Variants in ANAPC10 observed in about 807,000 individuals in gnomAD.
The protein encoded by ANAPC10 is anaphase promoting complex subunit 10.
A neutral mutation model predicts 22.0 loss-of-function variants in ANAPC10; 12 were observed. The ratio of observed to expected loss-of-function variants is 0.55; its 90% CI spans 0.35 to 0.88. ANAPC10 has a LOEUF of 0.88. Ranked by LOEUF, ANAPC10 falls within the 40% of genes least tolerant of loss-of-function variation. The pLI is 0.01. For missense variants in ANAPC10, 188 were observed against 220.9 expected (o/e 0.85, Z 0.94); for synonymous variants, 65 against 69.5 (o/e 0.94, Z 0.32).
intron 4 of ANAPC10, among the ~76,000 whole-genome samples, chr4:145,004,971 G>T (rs1442747345): frequency 1.3e-5 from 2 of 152,194 alleles, no homozygotes; most frequent in Admixed American, 6.6e-5. Flanking sequence ...GTGGTTCTGG[G>T]CTTTTCCTGG....
Position 144,999,033 on chromosome 4 carries a change from C to T in ANAPC10, c.328-3430G>A, listed in dbSNP as rs111395067. On this transcript the variant is annotated intron_variant, in intron 4 of 4. Transcript: ENST00000507656. Reference sequence around the variant, plus strand: ...AAATCTACAAGAAATGGATAAATTCCTGGACAAATACACCCACCCAAGACT... The same window carrying T: ...AAATCTACAAGAAATGGATAAATTCTTGGACAAATACACCCACCCAAGACT... Among the ~76,000 whole-genome samples the T allele has an allele frequency of 4.9e-3, 745 of 152,182 alleles. 2 individuals are homozygous for T. Among genetic ancestry groups the T allele is most frequent in the Middle Eastern group, 0.014 (4 of 294 alleles).
intron 4 of ANAPC10, among the ~76,000 whole-genome samples, chr4:145,014,237 C>T (rs1001174306): frequency 3.3e-5 from 5 of 152,080 alleles, no homozygotes; most frequent in Middle Eastern, 3.2e-3. Flanking sequence ...AGACTCAGTG[C>T]TGTTGGTGGG....
At chr4:145,039,562 T>A (rs1417067289) in intron 4 of ANAPC10, among the ~76,000 whole-genome samples, 1 of 152,142 alleles carries the variant, frequency 6.6e-6, no homozygotes, top group Non-Finnish European at 1.5e-5. Flanking sequence ...ATGTATTGAT[T>A]TTTTTCCAGC....
At chr4:145,001,877 A>T (rs1247597299) in intron 4 of ANAPC10, among the ~76,000 whole-genome samples, 1 of 152,150 alleles carries the variant, frequency 6.6e-6, no homozygotes, top group Non-Finnish European at 1.5e-5. Context: ...CTAGGCATGC[A>T]CTGATTTACA....
chr4:145,061,926 G>A (rs1328802820), intron 4 of ANAPC10, among the ~76,000 whole-genome samples: 2 of 152,000 alleles, frequency 1.3e-5, no homozygotes, highest in African/African-American at 4.8e-5. Context: ...TGGCCAACAT[G>A]GCAAAACCCC....
At chr4:145,034,575 G>GTGTGTGTGTGTA (rs750027962) in intron 4 of ANAPC10, among the ~76,000 whole-genome samples, 27 of 125,622 alleles carry the variant, frequency 2.1e-4, no homozygotes, top group African/African-American at 9.2e-4. Flanking sequence ...GTGTGTGTGT[G>GTGTGTGTGTGTA]TATATATCCC....
intron 3 of ANAPC10, among the ~76,000 whole-genome samples, chr4:145,065,960 G>A (rs1743611473): frequency 6.6e-6 from 1 of 151,664 alleles, no homozygotes; most frequent in African/African-American, 2.4e-5. Context: ...GAATGAGCAT[G>A]TGCTATTTGG....
In ANAPC10 at chr4:145,081,761, CAA is replaced by C. The variant is rs748172940; in HGVS notation, c.116-13_116-12del. 1.3e-6 allele frequency: 2 copies of C among 1,580,522 alleles called. No homozygotes were observed. Among genetic ancestry groups the C allele is most frequent in the Non-Finnish European group, 1.7e-6 (2 of 1,152,630 alleles). ...GATCCACTCCAAATCCTAAAAACAC[CAA>C]AAGTGTCAATAAATCCCTGTGAAAA... On this transcript the variant is annotated splice_polypyrimidine_tract_variant and intron_variant, in intron 2 of 4. Coordinates refer to ENST00000507656, the MANE Select transcript of ANAPC10 (RefSeq NM_001256706.2).
At chr4:145,071,149 G>A (rs1200503685) in intron 3 of ANAPC10, among the ~76,000 whole-genome samples, 2 of 152,192 alleles carry the variant, frequency 1.3e-5, no homozygotes, top group Non-Finnish European at 2.9e-5. Context: ...GCTCATGCCT[G>A]CAATCCCAAC....
At chr4:145,061,561 G>A (rs1279714108) in intron 4 of ANAPC10, among the ~76,000 whole-genome samples, 2 of 152,036 alleles carry the variant, frequency 1.3e-5, no homozygotes, top group African/African-American at 4.8e-5. Context: ...TATATACCAC[G>A]TATATCAAAT....
intron 2 of ANAPC10, among the ~76,000 whole-genome samples, chr4:145,086,403 C>T (rs897541542): frequency 6.6e-6 from 1 of 152,158 alleles, no homozygotes; most frequent in African/African-American, 2.4e-5. Context: ...TTCTCCAATG[C>T]AGTTATTATA....
chr4:145,003,458 T>C (rs1732881519), intron 4 of ANAPC10, among the ~76,000 whole-genome samples: 2 of 152,184 alleles, frequency 1.3e-5, no homozygotes, highest in Admixed American at 6.5e-5. Flanking sequence ...ACTGCCAAAC[T>C]GCTTTCCAAA....
chr4:145,040,976 C>T (rs1739422405), intron 4 of ANAPC10, among the ~76,000 whole-genome samples: 1 of 151,862 alleles, frequency 6.6e-6, no homozygotes, highest in African/African-American at 2.4e-5. Context: ...GTTCTTACTA[C>T]AGATCTACGC....
chr4:145,033,316 G>A (rs529021167), intron 4 of ANAPC10: 5 of 155,266 alleles, frequency 3.2e-5, no homozygotes, highest in East Asian at 1.9e-4. Flanking sequence ...CTGTTCCCAC[G>A]ACATTACGTT....
intron 4 of ANAPC10, among the ~76,000 whole-genome samples, chr4:145,022,692 T>C (rs1736124000): frequency 6.6e-6 from 1 of 151,480 alleles, no homozygotes; most frequent in African/African-American, 2.4e-5. Context: ...GGCATTCATA[T>C]ATAGAACTTT....
chr4:145,097,285 T>A, intron 1 of ANAPC10: 2 of 364,730 alleles, frequency 5.5e-6, no homozygotes, highest in South Asian at 4.2e-5. Flanking sequence ...GAAAATGGCT[T>A]CAAGATTTTG....
chr4:145,041,183 T>C (rs1385802562), intron 4 of ANAPC10, among the ~76,000 whole-genome samples: 1 of 152,192 alleles, frequency 6.6e-6, no homozygotes, highest in African/African-American at 2.4e-5. Flanking sequence ...CTTTCAAAAG[T>C]GTTTAGCTAA....
At chr4:145,092,803 T>C (rs894321994) in intron 2 of ANAPC10, among the ~76,000 whole-genome samples, 2 of 152,134 alleles carry the variant, frequency 1.3e-5, no homozygotes, top group African/African-American at 4.8e-5. Flanking sequence ...TAAGCTACTG[T>C]AGGAGGAGAA....
At chr4:145,006,352 G>C (rs776369575) in intron 4 of ANAPC10, among the ~76,000 whole-genome samples, 2 of 152,030 alleles carry the variant, frequency 1.3e-5, no homozygotes, top group Non-Finnish European at 2.9e-5. Flanking sequence ...GGATTTGCTG[G>C]GCAGATCCCT....
Sources: gnomAD v4.1 joint callset for allele counts (sites outside exome capture counted in the v4.1 genomes callset) on GRCh38, gnomAD v4.1.1 for gene constraint, MANE v1.5 for transcripts, NCBI Gene and HGNC (gene_info 2026-07-23, HGNC 2026-07-21) for gene names.